Variants in ADAM7 observed in about 807,000 individuals in gnomAD.
ADAM7 encodes the protein disintegrin and metalloproteinase domain-containing protein 7.
Under a neutral mutation model 102.9 loss-of-function variants are expected in ADAM7, and 97 were observed. That is an observed-to-expected ratio of 0.94 (90% confidence interval 0.80 to 1.12). ADAM7 has a LOEUF of 1.12. Ranked by LOEUF, ADAM7 falls within the 50% of genes most tolerant of loss-of-function variation. The probability of loss-of-function intolerance (pLI) is 0.00; values close to 1 mark genes in which losing one functional copy is unlikely to be tolerated. For missense variants in ADAM7, 991 were observed against 908.7 expected, an observed-to-expected ratio of 1.09 and a Z score of -1.16; for synonymous variants, 334 against 304.4, an observed-to-expected ratio of 1.10 and a Z score of -1.01.
chr8:24,486,640 G>A lies in ADAM7; in HGVS notation c.961-547G>A, dbSNP rs190155552. On this transcript the variant is annotated intron_variant, in intron 10 of 21. Transcript: ENST00000175238. The stretch of plus-strand genomic sequence containing the variant: ...CCAAGATTAAGTCCTTAGCAGATTC[G>A]GTGTCTGGTGAAGCCCTGTCTGGCT... Among the ~76,000 whole-genome samples the A allele has an allele frequency of 1.2e-3, 184 of 152,064 alleles. 4 individuals carry two copies. Among genetic ancestry groups the A allele is most frequent in the Non-Finnish European group, 1.8e-4 (12 of 67,972 alleles).
chr8:24,488,219 C>G (rs1457815849), intron 11 of ADAM7, among the ~76,000 whole-genome samples: 1 of 152,078 alleles, frequency 6.6e-6, no homozygotes, highest in Non-Finnish European at 1.5e-5. Flanking sequence ...GTTATAACAC[C>G]ACTGTACTAG....
rs200074466 is a variant in ADAM7 at position 24,489,151 on chromosome 8, A to G, written c.1092-8A>G. The stretch of plus-strand genomic sequence containing the variant: ...TTAATCTTTATTTTTACCTCATTCT[A>G]TCTCTAGCATTCCTGCACTGAAATT... On this transcript the variant is annotated splice_polypyrimidine_tract_variant and splice_region_variant and intron_variant, in intron 11 of 21. Coordinates refer to ENST00000175238, the MANE Select transcript of ADAM7 (RefSeq NM_003817.4). The G allele has an allele frequency of 2.9e-5, 46 of 1,603,926 alleles. No individual in the cohort carries two copies. In the African/African-American group the frequency reaches 5.8e-4, roughly 20 times the overall value.
chr8:24,499,943 TGTCA>T (rs1453357778), intron 17 of ADAM7, among the ~76,000 whole-genome samples: 1 of 152,154 alleles, frequency 6.6e-6, no homozygotes, highest in Admixed American at 6.6e-5. Context: ...CCTTTGAATT[TGTCA>T]GTATCATTCT....
intron 20 of ADAM7, among the ~76,000 whole-genome samples, chr8:24,506,790 CAA>C (rs1397924892): frequency 7.1e-6 from 1 of 140,824 alleles, no homozygotes; most frequent in Non-Finnish European, 1.6e-5. Flanking sequence ...CACACACACA[CAA>C]AATAGAACCA....
At chr8:24,456,413 G>A (rs1259359638) in intron 3 of ADAM7, among the ~76,000 whole-genome samples, 5 of 152,046 alleles carry the variant, frequency 3.3e-5, no homozygotes, top group African/African-American at 7.2e-5. Context: ...TTTGGCTATT[G>A]TGAATAGTGT....
At position 24,468,802 on chromosome 8, in the gene ADAM7, T is replaced by C; in HGVS notation, c.615T>C (p.Ile205=). 2 of 1,613,332 alleles carry C rather than the reference T, an allele frequency of 1.2e-6. No homozygotes were observed. The highest frequency in any genetic ancestry group is 2.2e-5 in the South Asian group (2 of 90,958). ...ATGAAAAGTATGTTGAATTGTTCAT[T>C]GTTGCTGATGATACTGTGGTAAGTT... is the stretch of plus-strand genomic sequence containing the variant. ...IHDEKYVELF[I]VADDTVYRRN... is the part of the protein sequence containing the mutation. The change falls in exon 7 of 22, where the codon ATT becomes ATC. Residue 205 remains isoleucine, a synonymous_variant. Coordinates refer to ENST00000175238, the MANE Select transcript of ADAM7 (RefSeq NM_003817.4).
chr8:24,493,931 T>G (rs899987403), intron 16 of ADAM7, among the ~76,000 whole-genome samples: 1 of 152,182 alleles, frequency 6.6e-6, no homozygotes, highest in South Asian at 2.1e-4. Context: ...AAGATGAAAT[T>G]GAAGAGAAGA....
intron 17 of ADAM7, 144 bp downstream of exon 17, chr8:24,499,460 A>C (rs1820672450): frequency 3.4e-6 from 2 of 589,640 alleles, no homozygotes; most frequent in Non-Finnish European, 2.6e-6. Flanking sequence ...TCATTTTTTC[A>C]TGTGTTATCA....
intron 3 of ADAM7, among the ~76,000 whole-genome samples, chr8:24,451,352 T>C (rs1818781239): frequency 1.3e-5 from 2 of 152,220 alleles, no homozygotes; most frequent in African/African-American, 4.8e-5. Context: ...TATTCAGAGA[T>C]TTGACTTCTT....
Position 24,466,956 on chromosome 8 carries a change from G to C in ADAM7, c.547G>C (p.Asp183His), listed in dbSNP as rs139013320. The change falls in exon 6 of 22, where the codon GAT becomes CAT. Residue 183 changes from aspartate to histidine, a missense_variant. Asp to His is a moderately conservative substitution (Grantham distance 81, BLOSUM62 -1). Transcript: ENST00000175238. ...LNFTRKTVPG[D>H]NESEEDSKIK... ...TTTTACCAGAAAAACTGTTCCAGGG[G>C]ATAATGAATCTGAAGAAGACTCCAA... is the stretch of plus-strand genomic sequence containing the variant. The C allele has an allele frequency of 5.6e-6, 9 of 1,613,834 alleles. No homozygotes were observed. The African/African-American group carries it at 1.1e-4, about 19-fold the overall frequency.
chr8:24,489,533 ATG>A (rs1820266653), intron 12 of ADAM7, among the ~76,000 whole-genome samples, 200 bp downstream of exon 12: 1 of 152,174 alleles, frequency 6.6e-6, no homozygotes. Flanking sequence ...GTCATGAAAC[ATG>A]TGTAATGACC....
intron 7 of ADAM7, among the ~76,000 whole-genome samples, chr8:24,473,735 T>C (rs891230133): frequency 3.3e-5 from 5 of 152,174 alleles, no homozygotes; most frequent in Admixed American, 1.3e-4. Flanking sequence ...CAATTTCAAA[T>C]GTCCAAAAAA....
At chr8:24,442,380 G>A in intron 1 of ADAM7, 93 bp from the exon 2 acceptor site, 1 of 853,506 alleles carries the variant, frequency 1.2e-6, no homozygotes, top group Non-Finnish European at 2.0e-6. Context: ...CTAACTGGGG[G>A]CAAATGAACT....
intron 7 of ADAM7, among the ~76,000 whole-genome samples, chr8:24,471,290 A>T (rs903208539): frequency 6.6e-6 from 1 of 152,122 alleles, no homozygotes; most frequent in Non-Finnish European, 1.5e-5. Context: ...ATAAATAAAA[A>T]TATACTTGTG....
chr8:24,500,227 T>G lies in ADAM7; in HGVS notation c.1973T>G (p.Val658Gly), dbSNP rs1363628344. Residue 658 changes from valine to glycine, a missense_variant, in exon 18 of 22, where the codon GTA becomes GGA. Val to Gly is a moderately radical substitution (Grantham distance 109, BLOSUM62 -3). Coordinates refer to ENST00000175238, the MANE Select transcript of ADAM7 (RefSeq NM_003817.4). ...QCHCEEGQAP[V>G]ACEETLHVTN... ...CACTGTGAGGAAGGACAGGCACCTGTAGCCTGTGAAGAAACCTTACATGTT... is the reference window on the plus strand; with the variant it reads ...CACTGTGAGGAAGGACAGGCACCTGGAGCCTGTGAAGAAACCTTACATGTT... 1 of 1,611,994 alleles carries G rather than the reference T, an allele frequency of 6.2e-7. No individual in the cohort carries two copies. Among genetic ancestry groups the G allele is most frequent in the Admixed American group, 1.7e-5 (1 of 59,884 alleles).
Position 24,508,932 on chromosome 8 carries a change from T to A in ADAM7, c.*386T>A. ...AACATTGCATATAAAAAGTTACTTT[T>A]TTGGAAACATAAAAGTACGTTTTAA... is the stretch of plus-strand genomic sequence containing the variant. On this transcript the variant is annotated 3_prime_UTR_variant, in exon 22 of 22. Coordinates refer to ENST00000175238, the MANE Select transcript of ADAM7 (RefSeq NM_003817.4). 1 of 1,036,482 alleles carries A rather than the reference T, an allele frequency of 9.6e-7. No individual in the cohort carries two copies. The highest frequency in any genetic ancestry group is 4.5e-5 in the South Asian group (1 of 22,386). The allele number at this position is 1,036,482 out of a possible 1,614,324, so 64.2% of individuals were successfully genotyped here. A position where few individuals can be genotyped will look rare whatever the true frequency, so the allele number is the denominator to read the frequency against.
chr8:24,465,519 C>A (rs1819395368), intron 4 of ADAM7, among the ~76,000 whole-genome samples, 180 bp from the exon 5 acceptor site: 1 of 152,152 alleles, frequency 6.6e-6, no homozygotes, highest in South Asian at 2.1e-4. Flanking sequence ...GGTAAAATGT[C>A]TCTGAAGCAG....
intron 3 of ADAM7, 81 bp from the exon 4 acceptor site, chr8:24,463,801 A>C: frequency 8.4e-7 from 1 of 1,190,772 alleles, no homozygotes; most frequent in Non-Finnish European, 1.2e-6. Context: ...CAAACTGGAC[A>C]CTTCTCCATC....
At chr8:24,503,793 G>A (rs929201282) in intron 20 of ADAM7, among the ~76,000 whole-genome samples, 162 of 152,020 alleles carry the variant, frequency 1.1e-3, no homozygotes, top group African/African-American at 3.6e-3. Context: ...ACCAAACACC[G>A]CATGTTCTCA....
Sources: allele counts gnomAD v4.1 joint callset (sites outside exome capture counted in the v4.1 genomes callset), GRCh38; gene constraint gnomAD v4.1.1; transcripts MANE v1.5; gene names NCBI Gene and HGNC (gene_info 2026-07-23, HGNC 2026-07-21).